The following TRABD2B variants were observed in gnomAD, a reference collection of about 807,000 sequenced individuals.
TRABD2B encodes TraB domain containing 2B, also known as metalloprotease TIKI2.
In TRABD2B, 14 loss-of-function variants were observed where a neutral mutation model predicts 40.1. That is an observed-to-expected ratio of 0.35 (90% CI 0.23 to 0.55). TRABD2B has a LOEUF of 0.55. Ranked by LOEUF, TRABD2B falls within the 20% of genes least tolerant of loss-of-function variation. TRABD2B has a pLI of 0.90. For synonymous variants in TRABD2B, 263 were observed against 277.0 expected, an observed-to-expected ratio of 0.95 and a Z score of 0.50; for missense variants, 541 against 648.6, an observed-to-expected ratio of 0.83 and a Z score of 1.80.
At chr1:47,896,504 C>T (rs566513230) in intron 2 of TRABD2B, among the ~76,000 whole-genome samples, 1 of 152,284 alleles carries the variant, frequency 6.6e-6, no homozygotes, top group South Asian at 2.1e-4. Context: ...AAGCAGAGAC[C>T]CTGGTGGGAA....
intron 2 of TRABD2B, among the ~76,000 whole-genome samples, chr1:47,980,739 C>T (rs1645829632): frequency 6.6e-6 from 1 of 152,232 alleles, no homozygotes; most frequent in South Asian, 2.1e-4. Flanking sequence ...ATCGCTTCAA[C>T]TGCCAAGGTC....
chr1:47,974,847 C>A (rs1156775904), intron 2 of TRABD2B, among the ~76,000 whole-genome samples: 1 of 152,200 alleles, frequency 6.6e-6, no homozygotes. Flanking sequence ...AGTAATAAGT[C>A]ATGTTGCTAG....
intron 2 of TRABD2B, among the ~76,000 whole-genome samples, chr1:47,817,168 T>C (rs542734048): frequency 4.6e-5 from 7 of 152,042 alleles, no homozygotes; most frequent in South Asian, 2.1e-4. Context: ...TGAGCAGCCT[T>C]TCCTAGAGGG....
At chr1:47,895,926 G>C (rs1309863601) in intron 2 of TRABD2B, among the ~76,000 whole-genome samples, 1 of 152,200 alleles carries the variant, frequency 6.6e-6, no homozygotes, top group Admixed American at 6.5e-5. Flanking sequence ...ACTGGGACTT[G>C]TCCCACCAGT....
At chr1:47,899,889 G>A in intron 2 of TRABD2B, among the ~76,000 whole-genome samples, 1 of 152,168 alleles carries the variant, frequency 6.6e-6, no homozygotes, top group East Asian at 1.9e-4. Context: ...CAGTTGCAGA[G>A]CCTCTTTGCT....
chr1:47,773,856 T>C (rs1383173925), intron 6 of TRABD2B, among the ~76,000 whole-genome samples: 1 of 152,198 alleles, frequency 6.6e-6, no homozygotes, highest in African/African-American at 2.4e-5. Flanking sequence ...TTGACTCTTA[T>C]TTGCTGGAAG....
intron 2 of TRABD2B, among the ~76,000 whole-genome samples, chr1:47,930,792 C>T (rs1007398122): frequency 6.6e-6 from 1 of 152,148 alleles, no homozygotes; most frequent in Non-Finnish European, 1.5e-5. Context: ...ATGTCCCTCC[C>T]TTTACAGACA....
At chr1:47,927,450 G>T (rs1175684900) in intron 2 of TRABD2B, among the ~76,000 whole-genome samples, 1 of 152,254 alleles carries the variant, frequency 6.6e-6, no homozygotes, top group African/African-American at 2.4e-5. Context: ...CTGCAGGCAC[G>T]TGGACAGGCT....
At chr1:47,785,993 TC>T (rs1277797267) in intron 4 of TRABD2B, among the ~76,000 whole-genome samples, 1 of 152,156 alleles carries the variant, frequency 6.6e-6, no homozygotes, top group Non-Finnish European at 1.5e-5. Flanking sequence ...CTCTACTGTC[TC>T]CTGTGTGGGA....
chr1:47,975,255 C>T (rs776258820), intron 2 of TRABD2B, among the ~76,000 whole-genome samples: 2 of 152,164 alleles, frequency 1.3e-5, no homozygotes, highest in Non-Finnish European at 2.9e-5. Flanking sequence ...GCTCTCTGTA[C>T]TATCTTCTCA....
chr1:47,859,664 G>C (rs1643937592), intron 2 of TRABD2B, among the ~76,000 whole-genome samples: 1 of 152,152 alleles, frequency 6.6e-6, no homozygotes, highest in Non-Finnish European at 1.5e-5. Context: ...AAGAAGCAGT[G>C]ATCACATCTC....
intron 2 of TRABD2B, among the ~76,000 whole-genome samples, chr1:47,936,929 A>ACC (rs1254372532): frequency 1.9e-5 from 2 of 107,848 alleles, no homozygotes; most frequent in African/African-American, 3.6e-5. Flanking sequence ...CCACCACCAT[A>ACC]ATTATCACCA....
At chr1:47,954,670 T>C (rs559403738) in intron 2 of TRABD2B, among the ~76,000 whole-genome samples, 1 of 152,328 alleles carries the variant, frequency 6.6e-6, no homozygotes, top group South Asian at 2.1e-4. Context: ...TCTGTATGTG[T>C]GTGCCTGTGT....
chr1:47,787,002 G>A (rs1236881145), intron 4 of TRABD2B, among the ~76,000 whole-genome samples: 4 of 152,146 alleles, frequency 2.6e-5, no homozygotes, highest in Non-Finnish European at 4.4e-5. Context: ...ACTGTGACTG[G>A]CCTGCCTCTT....
At chr1:47,845,022 A>G (rs558390291) in intron 2 of TRABD2B, among the ~76,000 whole-genome samples, 1 of 152,250 alleles carries the variant, frequency 6.6e-6, no homozygotes, top group South Asian at 2.1e-4. Context: ...ACAGGTGGAG[A>G]CAGGGTGAGG....
At chr1:47,811,881 CA>C (rs1644970165) in intron 2 of TRABD2B, among the ~76,000 whole-genome samples, 1 of 152,146 alleles carries the variant, frequency 6.6e-6, no homozygotes, top group African/African-American at 2.4e-5. Flanking sequence ...TCCAGGAGCC[CA>C]ACATTTCAGA....
chr1:47,996,839 A>T lies in TRABD2B; in HGVS notation c.-50T>A, dbSNP rs867715924. 117 of 1,164,086 alleles carry T rather than the reference A, an allele frequency of 1.0e-4. No homozygotes were observed. Among genetic ancestry groups the T allele is most frequent in the Middle Eastern group, 7.0e-4 (2 of 2,848 alleles). The allele number at this position is 1,164,086 out of a possible 1,614,324, so 72.1% of individuals were successfully genotyped here. On this transcript the variant is annotated 5_prime_UTR_variant, in exon 1 of 7. Transcript: ENST00000606738. The surrounding 1 kb of genome is among the most constrained non-coding windows in gnomAD (Gnocchi z 4.6). ...GGGACCCTCCTGGGCGGCGCCCCTC[A>T]GCGGGGCGGGGAGCCCCCAGTTGGG...
At chr1:47,873,493 C>T (rs576869255) in intron 2 of TRABD2B, among the ~76,000 whole-genome samples, 71 of 152,154 alleles carry the variant, frequency 4.7e-4, no homozygotes, top group Admixed American at 3.9e-4. Context: ...TCAGCAGGGG[C>T]AGCAGACAGC....
At chr1:47,932,032 A>G (rs1466432637) in intron 2 of TRABD2B, among the ~76,000 whole-genome samples, 2 of 152,124 alleles carry the variant, frequency 1.3e-5, no homozygotes, top group Admixed American at 6.5e-5. Flanking sequence ...AGTCCTGGGG[A>G]GGAGGAGTTT....
Sources: gnomAD v4.1 joint callset for allele counts (sites outside exome capture counted in the v4.1 genomes callset) on GRCh38, gnomAD v4.1.1 for gene constraint, Gnocchi (gnomAD v3.1) non-coding constraint, MANE v1.5 for transcripts, NCBI Gene and HGNC (gene_info 2026-07-23, HGNC 2026-07-21) for gene names.